PEX7: variants seen among roughly 807,000 people sequenced by gnomAD.
PEX7 encodes the protein PTS2 receptor.
PEX7 carries 34 observed loss-of-function variants against 47.5 expected under a neutral mutation model. That is an observed-to-expected ratio of 0.72 (90% CI 0.54 to 0.95). The LOEUF is 0.95. Ranked by LOEUF, PEX7 falls within the 40% of genes least tolerant of loss-of-function variation. PEX7 has a pLI of 0.00. For synonymous variants in PEX7, 141 were observed against 148.8 expected (o/e 0.95, Z 0.38); for missense variants, 394 against 400.3 (o/e 0.98, Z 0.13).
intron 8 of PEX7, among the ~76,000 whole-genome samples, chr6:136,874,323 G>A (rs750273136): frequency 6.6e-6 from 1 of 152,154 alleles, no homozygotes; most frequent in Non-Finnish European, 1.5e-5. Context: ...TCTCTAACGG[G>A]ATCAAGTTTG....
At chr6:136,872,328 A>C in intron 8 of PEX7, 75 bp downstream of exon 8, 3 of 1,075,660 alleles carry the variant, frequency 2.8e-6, no homozygotes, top group South Asian at 1.3e-5. Flanking sequence ...TATAAGAGAT[A>C]ATATGATTAC....
chr6:136,887,443 C>T (rs914088006), intron 8 of PEX7, among the ~76,000 whole-genome samples: 3 of 151,966 alleles, frequency 2.0e-5, no homozygotes, highest in Non-Finnish European at 2.9e-5. Context: ...ATTTTTTATT[C>T]CCATATATAT....
intron 9 of PEX7, among the ~76,000 whole-genome samples, chr6:136,904,941 A>C (rs1463400367): frequency 6.6e-6 from 1 of 152,024 alleles, no homozygotes; most frequent in Non-Finnish European, 1.5e-5. Context: ...CACCAAACAT[A>C]CTGACTAGGC....
intron 3 of PEX7, among the ~76,000 whole-genome samples, chr6:136,833,858 A>G (rs1406306079): frequency 6.6e-6 from 1 of 152,220 alleles, no homozygotes; most frequent in Non-Finnish European, 1.5e-5. Flanking sequence ...TGTATTAAAA[A>G]AGGCAGACCT....
At chr6:136,883,172 G>A (rs1476232689) in intron 8 of PEX7, among the ~76,000 whole-genome samples, 1 of 152,118 alleles carries the variant, frequency 6.6e-6, no homozygotes, top group African/African-American at 2.4e-5. Flanking sequence ...GGAATGAAAT[G>A]TTTCTGAGTG....
intron 3 of PEX7, among the ~76,000 whole-genome samples, chr6:136,845,211 G>T (rs1046636471): frequency 2.0e-5 from 3 of 152,168 alleles, no homozygotes; most frequent in Non-Finnish European, 4.4e-5. Flanking sequence ...GCCAGATAGG[G>T]ATATTAATTG....
chr6:136,861,245 C>T lies in PEX7; in HGVS notation c.527-5382C>T, dbSNP rs370364678. Among the ~76,000 whole-genome samples the T allele has an allele frequency of 3.3e-4, 50 of 152,128 alleles. No homozygotes were observed. The East Asian group carries it at 3.7e-3, about 11-fold the overall frequency. ...GACTACAGGTGCATGCTACCAAGCC[C>T]GACTAATTTTTGTATTTTCTGTAGA... On this transcript the variant is annotated intron_variant, in intron 5 of 9. Transcript: ENST00000318471.
intron 3 of PEX7, among the ~76,000 whole-genome samples, chr6:136,841,851 G>A (rs1243514666): frequency 6.6e-6 from 1 of 151,422 alleles, no homozygotes; most frequent in East Asian, 1.9e-4. Flanking sequence ...CTCCCAAAGT[G>A]CTGGGATTAC....
chr6:136,842,537 A>T (rs1165127876), intron 3 of PEX7, among the ~76,000 whole-genome samples: 3 of 152,224 alleles, frequency 2.0e-5, no homozygotes, highest in Non-Finnish European at 4.4e-5. Context: ...CACCTGCTGC[A>T]TCACACTGGA....
At chr6:136,831,531 C>T (rs1191125516) in intron 3 of PEX7, among the ~76,000 whole-genome samples, 1 of 152,300 alleles carries the variant, frequency 6.6e-6, no homozygotes, top group Non-Finnish European at 1.5e-5. Flanking sequence ...TCCAACAGTC[C>T]CCCAAAGTCT....
At chr6:136,911,975 G>T (rs1489119695) in intron 9 of PEX7, among the ~76,000 whole-genome samples, 3 of 152,058 alleles carry the variant, frequency 2.0e-5, no homozygotes, top group Admixed American at 1.3e-4. Context: ...TTTAATTTTA[G>T]CCATAATGTG....
At chr6:136,846,026 A>C (rs1053807320) in intron 4 of PEX7, 47 bp from the exon 5 acceptor site, 2 of 1,149,814 alleles carry the variant, frequency 1.7e-6, no homozygotes, top group Non-Finnish European at 2.6e-6. Flanking sequence ...TAAAAGCATA[A>C]ATTTGAATTT....
chr6:136,902,334 T>A (rs1197511079), intron 9 of PEX7, among the ~76,000 whole-genome samples: 1 of 152,208 alleles, frequency 6.6e-6, no homozygotes, highest in Non-Finnish European at 1.5e-5. Context: ...TAAAAGAGAT[T>A]TATCTGAGTT....
intron 8 of PEX7, among the ~76,000 whole-genome samples, chr6:136,877,396 A>G (rs985734343): frequency 3.3e-5 from 5 of 152,110 alleles, no homozygotes; most frequent in African/African-American, 4.8e-5. Flanking sequence ...GCCCATGCCT[A>G]TGTCCTGAAT....
intron 8 of PEX7, among the ~76,000 whole-genome samples, chr6:136,893,146 A>C (rs1478675486): frequency 1.3e-5 from 2 of 152,344 alleles, no homozygotes; most frequent in African/African-American, 4.8e-5. Context: ...AAAATAAGGC[A>C]AACTGACCAC....
chr6:136,911,880 A>G (rs775527639), intron 9 of PEX7, among the ~76,000 whole-genome samples: 6 of 152,222 alleles, frequency 3.9e-5, no homozygotes, highest in Non-Finnish European at 8.8e-5. Context: ...GTTTTCCAAA[A>G]TGGTGGTACC....
At position 136,846,093 on chromosome 6, in the gene PEX7, GTCTC is replaced by G. The variant is rs756015209; in HGVS notation, c.440_443del (p.Ser147CysfsTer33). 1 of 1,611,550 alleles carries G rather than the reference GTCTC, an allele frequency of 6.2e-7. No individual in the cohort carries two copies. Among genetic ancestry groups the G allele is most frequent in the South Asian group, 1.1e-5 (1 of 91,006 alleles). On this transcript the variant is annotated frameshift_variant, in exon 5 of 10. Transcript: ENST00000318471. LOFTEE classifies it high-confidence loss of function. ...TGTAGTGGGATCCAACTGTTGGAAA[GTCTC>G]TGTGCACCTTTAGAGGCCATGAAAG...
At chr6:136,848,982 G>C (rs919034931) in intron 5 of PEX7, among the ~76,000 whole-genome samples, 11 of 152,210 alleles carry the variant, frequency 7.2e-5, no homozygotes, top group African/African-American at 2.2e-4. Flanking sequence ...GTCTGGTTCT[G>C]GAGTTTTCTT....
At chr6:136,845,564 A>G (rs753932031) in intron 3 of PEX7, 51 bp from the exon 4 acceptor site, 8 of 995,866 alleles carry the variant, frequency 8.0e-6, no homozygotes, top group South Asian at 6.4e-5. Flanking sequence ...ATAAAATGCA[A>G]TGTTGAACTT....
Sources: gnomAD v4.1 joint callset for allele counts (sites outside exome capture counted in the v4.1 genomes callset) on GRCh38, gnomAD v4.1.1 for gene constraint, MANE v1.5 for transcripts, NCBI Gene and HGNC (gene_info 2026-07-23, HGNC 2026-07-21) for gene names.